HEXB: variants seen among roughly 807,000 people sequenced by gnomAD.
HEXB encodes the protein beta-hexosaminidase subunit beta.
In HEXB, 51 loss-of-function variants were observed where a neutral mutation model predicts 71.2. That is an observed-to-expected ratio of 0.72 (90% CI 0.57 to 0.90). The LOEUF (loss-of-function observed/expected upper bound fraction) is 0.90. Ranked by LOEUF, HEXB falls within the 40% of genes least tolerant of loss-of-function variation. The pLI, the probability that HEXB is intolerant of heterozygous loss-of-function variation, is 0.00. For synonymous variants in HEXB, 266 were observed against 249.3 expected, an observed-to-expected ratio of 1.07 and a Z score of -0.63; for missense variants, 617 against 677.0, an observed-to-expected ratio of 0.91 and a Z score of 0.98.
chr5:74,685,186 C>A (rs1748827359), upstream of HEXB: 2 of 1,407,470 alleles, frequency 1.4e-6, no homozygotes, highest in South Asian at 1.5e-5. Context: ...CGCGCTTCCT[C>A]TGATCCGGGC....
At chr5:74,657,713 T>C (rs536347941) in intron 1 of HEXB, among the ~76,000 whole-genome samples, 1 of 152,358 alleles carries the variant, frequency 6.6e-6, no homozygotes, top group East Asian at 1.9e-4. Context: ...TGTTTTCCTT[T>C]GAACACTTGA....
intron 1 of HEXB, among the ~76,000 whole-genome samples, chr5:74,653,144 G>A (rs899620126): frequency 1.3e-5 from 2 of 152,200 alleles, no homozygotes; most frequent in African/African-American, 4.8e-5. Context: ...CACATGCAGA[G>A]TCATTGTGAA....
chr5:74,651,868 C>G (rs775365726), intron 1 of HEXB, among the ~76,000 whole-genome samples: 6 of 152,158 alleles, frequency 3.9e-5, no homozygotes, highest in Non-Finnish European at 5.9e-5. Context: ...AGTGATAAGA[C>G]TTAGGTAATG....
At chr5:74,675,011 C>T (rs563520468) in intron 1 of HEXB, among the ~76,000 whole-genome samples, 47 of 152,244 alleles carry the variant, frequency 3.1e-4, no homozygotes, top group African/African-American at 1.1e-3. Flanking sequence ...GGACACCTGT[C>T]AAAATGATAA....
intron 2 of HEXB, chr5:74,693,353 T>C (rs1345877585): frequency 2.1e-6 from 1 of 486,774 alleles, no homozygotes; most frequent in Admixed American, 3.3e-5. Context: ...TCTGAGTGAC[T>C]CAAGTGACTG....
At chr5:74,673,947 T>C (rs1042664094) in intron 1 of HEXB, among the ~76,000 whole-genome samples, 3 of 152,154 alleles carry the variant, frequency 2.0e-5, no homozygotes, top group Non-Finnish European at 4.4e-5. Flanking sequence ...GTTCTGTCAA[T>C]CTACAATAAT....
At chr5:74,696,032 G>A (rs1047206258) in intron 3 of HEXB, among the ~76,000 whole-genome samples, 2 of 152,136 alleles carry the variant, frequency 1.3e-5, no homozygotes, top group African/African-American at 2.4e-5. Context: ...TGTACTTGAC[G>A]AGGTTGGAGA....
At chr5:74,688,569 T>C (rs1241549401) in intron 1 of HEXB, among the ~76,000 whole-genome samples, 1 of 152,176 alleles carries the variant, frequency 6.6e-6, no homozygotes, top group Non-Finnish European at 1.5e-5. Context: ...GGTCTTGAAC[T>C]CCTGACCTCG....
chr5:74,679,503 T>C (rs1173852969), intron 1 of HEXB, among the ~76,000 whole-genome samples: 2 of 152,090 alleles, frequency 1.3e-5, no homozygotes, highest in Non-Finnish European at 2.9e-5. Context: ...CAAGATATGC[T>C]AAAGGGAGGA....
intron 2 of HEXB, among the ~76,000 whole-genome samples, chr5:74,691,997 A>G (rs1425406611): frequency 6.6e-6 from 1 of 152,218 alleles, no homozygotes; most frequent in Non-Finnish European, 1.5e-5. Context: ...TAATTGTTAT[A>G]TGTATTTTCC....
chr5:74,652,570 A>G lies in HEXB; in HGVS notation c.-377+12012A>G, dbSNP rs1748138511. The stretch of plus-strand genomic sequence containing the variant: ...TAAGAAAATGTAACTTAATTTTTCT[A>G]GAACAGAACTTTTTACCATAAGACC... On this transcript the variant is annotated intron_variant, in intron 1 of 13. Transcript: ENST00000511181. This position sits in a 1 kb window ranked among gnomAD's most constrained non-coding sequence, Gnocchi z 5.4. Among the ~76,000 whole-genome samples, 1 of 152,228 alleles carries G rather than the reference A, an allele frequency of 6.6e-6. No individual in the cohort carries two copies. The highest frequency in any genetic ancestry group is 1.5e-5 in the Non-Finnish European group (1 of 68,038).
At chr5:74,707,276 C>A (rs1220762958) in intron 6 of HEXB, among the ~76,000 whole-genome samples, 292 of 152,258 alleles carry the variant, frequency 1.9e-3, no homozygotes, top group African/African-American at 6.5e-3. Context: ...GACATCCACA[C>A]CAAAAACCCA....
At chr5:74,647,612 C>T (rs997905378) in intron 1 of HEXB, among the ~76,000 whole-genome samples, 6 of 152,166 alleles carry the variant, frequency 3.9e-5, no homozygotes, top group Admixed American at 1.3e-4. Context: ...TACAAGCATC[C>T]GCAAATTTCT....
At chr5:74,713,734 G>C in intron 7 of HEXB, 99 bp downstream of exon 7, 4 of 958,390 alleles carry the variant, frequency 4.2e-6, no homozygotes, top group Non-Finnish European at 6.6e-6. Flanking sequence ...TACAATCTCG[G>C]CTCACTGCAA....
At chr5:74,657,499 GC>G (rs1748241964) in intron 1 of HEXB, among the ~76,000 whole-genome samples, 1 of 152,198 alleles carries the variant, frequency 6.6e-6, no homozygotes, top group African/African-American at 2.4e-5. Flanking sequence ...TTCCTTCGGA[GC>G]ACTTATCACC....
chr5:74,692,126 A>T (rs777059849), intron 2 of HEXB, among the ~76,000 whole-genome samples: 5 of 152,152 alleles, frequency 3.3e-5, no homozygotes, highest in Admixed American at 1.3e-4. Context: ...TTTCTGGAAG[A>T]TCTCAAAACT....
At position 74,700,410 on chromosome 5, in the gene HEXB, T is replaced by C. The variant is rs368742642; in HGVS notation, c.669+3304T>C. 3.0e-4 allele frequency among the ~76,000 whole-genome samples: 46 copies of C among 152,196 alleles called. 1 individual carries two copies. In the South Asian group the frequency reaches 9.5e-3, roughly 32 times the overall value. The stretch of plus-strand genomic sequence containing the variant: ...AGTTGTCTATAGATTGTGCCACTGA[T>C]ACTTTTATATTTGCTTATATGTATC... On this transcript the variant is annotated intron_variant, in intron 5 of 13. Coordinates refer to ENST00000261416, the MANE Select transcript of HEXB (RefSeq NM_000521.4).
chr5:74,706,876 A>G (rs1305454333), intron 6 of HEXB, among the ~76,000 whole-genome samples: 4 of 152,152 alleles, frequency 2.6e-5, no homozygotes, highest in Non-Finnish European at 4.4e-5. Flanking sequence ...CAGGGCACAG[A>G]CAAACAAAAA....
chr5:74,704,733 C>G (rs1749341181), intron 5 of HEXB, among the ~76,000 whole-genome samples: 1 of 152,182 alleles, frequency 6.6e-6, no homozygotes, highest in Admixed American at 6.5e-5. Flanking sequence ...TTTTTGTATA[C>G]TGATGTGTCA....
Sources: gnomAD v4.1 joint callset for allele counts (sites outside exome capture counted in the v4.1 genomes callset) on GRCh38, gnomAD v4.1.1 for gene constraint, Gnocchi (gnomAD v3.1) non-coding constraint, MANE v1.5 for transcripts, NCBI Gene and HGNC (gene_info 2026-07-23, HGNC 2026-07-21) for gene names.